TP63: variants seen among roughly 807,000 people sequenced by gnomAD.
TP63 encodes the protein tumor protein 63.
A neutral mutation model predicts 82.8 loss-of-function variants in TP63; 17 were observed. The observed-to-expected ratio is 0.21, with a 90% CI of 0.14 to 0.31. The LOEUF (loss-of-function observed/expected upper bound fraction) is 0.31, where lower values mean the gene tolerates loss of function less well. TP63 is among the 10% of genes least tolerant of loss of function. The probability of loss-of-function intolerance (pLI) is 1.00; values close to 1 mark genes in which losing one functional copy is unlikely to be tolerated. For synonymous variants in TP63, 330 were observed against 321.7 expected (o/e 1.03, Z -0.28); for missense variants, 648 against 895.3 (o/e 0.72, Z 3.52).
At chr3:189,706,766 C>A (rs1384509035) in intron 1 of TP63, among the ~76,000 whole-genome samples, 1 of 152,140 alleles carries the variant, frequency 6.6e-6, no homozygotes, top group Non-Finnish European at 1.5e-5. Flanking sequence ...AGGTTATCAC[C>A]AGCTTTGTTA....
intron 3 of TP63, among the ~76,000 whole-genome samples, chr3:189,794,546 G>A (rs886846724): frequency 6.6e-6 from 1 of 152,030 alleles, no homozygotes; most frequent in Non-Finnish European, 1.5e-5. Flanking sequence ...GAAGGGGGGT[G>A]AGGAGTGAAT....
chr3:189,860,259 C>G lies in TP63; in HGVS notation c.580-3973C>G, dbSNP rs1716858444. Among the ~76,000 whole-genome samples the G allele has an allele frequency of 2.0e-5, 3 of 151,958 alleles. No individual in the cohort carries two copies. The South Asian group carries it at 6.3e-4, about 32-fold the overall frequency. ...GAGAAAGAAAGATAGTAAAATAAGCCATGTGTGTTCAAATTTACAATTTCT... is the reference window on the plus strand; with the variant it reads ...GAGAAAGAAAGATAGTAAAATAAGCGATGTGTGTTCAAATTTACAATTTCT... On this transcript the variant is annotated intron_variant, in intron 4 of 13. Transcript: ENST00000264731.
the TP63 span, among the ~76,000 whole-genome samples, chr3:189,623,720 A>G: frequency 1.3e-5 from 2 of 152,072 alleles, no homozygotes; most frequent in African/African-American, 4.8e-5. Context: ...TCACACTGAA[A>G]CCCCACTAGG....
chr3:189,676,373 C>T (rs1715395763), intron 1 of TP63, among the ~76,000 whole-genome samples: 1 of 152,076 alleles, frequency 6.6e-6, no homozygotes. Flanking sequence ...TATTATTTGA[C>T]ATTTTTTAGA....
At chr3:189,601,252 C>G in the TP63 span, among the ~76,000 whole-genome samples, 1 of 152,082 alleles carries the variant, frequency 6.6e-6, no homozygotes, top group African/African-American at 2.4e-5. Context: ...AACTTTAAAG[C>G]TTCTAAATTG....
At chr3:189,687,159 C>A (rs1337986681) in intron 1 of TP63, among the ~76,000 whole-genome samples, 2 of 152,070 alleles carry the variant, frequency 1.3e-5, no homozygotes, top group Non-Finnish European at 2.9e-5. Context: ...AAATGAGCTC[C>A]ATTGTCTTCA....
At chr3:189,609,056 C>G in the TP63 span, among the ~76,000 whole-genome samples, 1 of 152,128 alleles carries the variant, frequency 6.6e-6, no homozygotes, top group African/African-American at 2.4e-5. Flanking sequence ...TACCTCCAGA[C>G]TGATTGTACC....
chr3:189,730,764 C>G (rs1720105180), intron 1 of TP63, among the ~76,000 whole-genome samples: 2 of 152,162 alleles, frequency 1.3e-5, no homozygotes, highest in African/African-American at 4.8e-5. Context: ...CTGCAACATT[C>G]TCTCTTACAA....
At chr3:189,745,540 C>T (rs988855573) in intron 3 of TP63, among the ~76,000 whole-genome samples, 11 of 151,640 alleles carry the variant, frequency 7.3e-5, no homozygotes, top group Non-Finnish European at 1.6e-4. Flanking sequence ...AACCCCATCT[C>T]TCCTAAAAAT....
chr3:189,599,514 C>T, the TP63 span, among the ~76,000 whole-genome samples: 1 of 152,158 alleles, frequency 6.6e-6, no homozygotes, highest in Admixed American at 6.5e-5. Flanking sequence ...AATATTCTTT[C>T]TTACAAGAGT....
upstream of TP63, chr3:189,631,362 G>A: frequency 6.7e-7 from 1 of 1,499,676 alleles, no homozygotes; most frequent in Non-Finnish European, 8.9e-7. Flanking sequence ...TTGCAAATAT[G>A]TATGAAGGAG....
intron 4 of TP63, among the ~76,000 whole-genome samples, chr3:189,857,473 A>G (rs1305533589): frequency 6.6e-6 from 1 of 152,176 alleles, no homozygotes; most frequent in East Asian, 1.9e-4. Flanking sequence ...ATTTCTTAGG[A>G]TATAAAAAGC....
At chr3:189,708,800 C>G (rs1423229159) in intron 1 of TP63, among the ~76,000 whole-genome samples, 1 of 152,140 alleles carries the variant, frequency 6.6e-6, no homozygotes, top group East Asian at 1.9e-4. Context: ...CGAAGGAAGA[C>G]TTTCATTTTT....
chr3:189,793,677 C>G (rs190822270), intron 3 of TP63, among the ~76,000 whole-genome samples: 2 of 151,884 alleles, frequency 1.3e-5, no homozygotes, highest in African/African-American at 4.8e-5. Flanking sequence ...CTTTTCTCTC[C>G]CCTTGAATAT....
intron 3 of TP63, among the ~76,000 whole-genome samples, chr3:189,801,609 GTCTT>G (rs1726310856): frequency 6.6e-6 from 1 of 152,092 alleles, no homozygotes; most frequent in South Asian, 2.1e-4. Flanking sequence ...CCCACTTCCT[GTCTT>G]TTCAAATGTT....
rs773098305 is a variant in TP63, at chr3:189,737,752, C to T, written c.75C>T (p.Thr25=). The T allele has an allele frequency of 1.1e-5, 18 of 1,613,608 alleles. No homozygotes were observed. The highest frequency in any genetic ancestry group is 1.5e-5 in the Non-Finnish European group (18 of 1,179,824). The stretch of plus-strand genomic sequence containing the variant: ...TTGTCCTTTTAAGTTTCGTAGAAAC[C>T]CCAGCTCATTTCTCTTGGAAAGAAA... ...PDPYIQRFVE[T]PAHFSWKESY... is the part of the protein sequence containing the mutation. The change falls in exon 2 of 14, where the codon ACC becomes ACT. Residue 25 remains threonine, a synonymous_variant. Transcript: ENST00000264731.
chr3:189,641,100 G>A (rs1184083538), intron 1 of TP63, among the ~76,000 whole-genome samples: 1 of 152,080 alleles, frequency 6.6e-6, no homozygotes, highest in Non-Finnish European at 1.5e-5. Flanking sequence ...AGGAACAATA[G>A]GAGAAGGGAA....
intron 1 of TP63, among the ~76,000 whole-genome samples, chr3:189,677,967 T>A (rs977212615): frequency 2.0e-5 from 3 of 152,110 alleles, no homozygotes; most frequent in Non-Finnish European, 2.9e-5. Context: ...TTTGTTATGA[T>A]GTTGGAGTTA....
At chr3:189,669,546 C>T (rs948904609) in intron 1 of TP63, among the ~76,000 whole-genome samples, 1 of 151,984 alleles carries the variant, frequency 6.6e-6, no homozygotes, top group Admixed American at 6.6e-5. Context: ...AAAATAATCA[C>T]ACTGTAAAGT....
Sources: gnomAD v4.1 joint callset for allele counts (sites outside exome capture counted in the v4.1 genomes callset) on GRCh38, gnomAD v4.1.1 for gene constraint, MANE v1.5 for transcripts, NCBI Gene and HGNC (gene_info 2026-07-23, HGNC 2026-07-21) for gene names.